FAR2: variants seen among roughly 807,000 people sequenced by gnomAD.
The protein encoded by FAR2 is fatty acyl-CoA reductase 2.
A neutral mutation model predicts 56.0 loss-of-function variants in FAR2; 19 were observed. That is an observed-to-expected ratio of 0.34 (90% CI 0.24 to 0.50). FAR2 has a LOEUF of 0.50. FAR2 is among the 20% of genes least tolerant of loss of function. The pLI, the probability that FAR2 is intolerant of heterozygous loss-of-function variation, is 0.98. For missense variants in FAR2, 508 were observed against 642.2 expected (o/e 0.79, Z 2.26); for synonymous variants, 219 against 218.8 (o/e 1.00, Z -0.01).
chr12:29,193,875 G>A (rs1950122476), intron 1 of FAR2, among the ~76,000 whole-genome samples: 1 of 152,210 alleles, frequency 6.6e-6, no homozygotes, highest in South Asian at 2.1e-4. Context: ...ATTAATGAAT[G>A]AGAGTTCCTA....
intron 1 of FAR2, among the ~76,000 whole-genome samples, chr12:29,247,192 CT>C (rs1261581822): frequency 6.6e-6 from 1 of 152,080 alleles, no homozygotes; most frequent in Non-Finnish European, 1.5e-5. Context: ...TTCATATTAA[CT>C]TTTTTAGGAA....
chr12:29,176,799 A>C (rs1005923310), intron 1 of FAR2, among the ~76,000 whole-genome samples: 3 of 151,516 alleles, frequency 2.0e-5, no homozygotes, highest in Non-Finnish European at 4.4e-5. Context: ...CTCTGTGTTC[A>C]TATGGGCAAT....
At chr12:29,227,168 G>T (rs1947782618) in intron 1 of FAR2, among the ~76,000 whole-genome samples, 1 of 152,146 alleles carries the variant, frequency 6.6e-6, no homozygotes, top group Non-Finnish European at 1.5e-5. Flanking sequence ...GCCTATAATT[G>T]TTATATTTAT....
intron 1 of FAR2, among the ~76,000 whole-genome samples, chr12:29,241,348 G>A (rs905358806): frequency 6.6e-6 from 1 of 152,016 alleles, no homozygotes; most frequent in Non-Finnish European, 1.5e-5. Flanking sequence ...AATCTGGAAA[G>A]ACTTTCTCAA....
At chr12:29,184,506 C>G (rs1950021193) in intron 1 of FAR2, among the ~76,000 whole-genome samples, 1 of 139,378 alleles carries the variant, frequency 7.2e-6, no homozygotes, top group African/African-American at 2.7e-5. Context: ...GCGATCTCAG[C>G]TCACTGCAAC....
chr12:29,261,472 G>A (rs1383949595), intron 1 of FAR2, among the ~76,000 whole-genome samples: 1 of 152,180 alleles, frequency 6.6e-6, no homozygotes, highest in Non-Finnish European at 1.5e-5. Context: ...GCCTTAAAGA[G>A]GAGGTAGAGA....
chr12:29,324,581 T>TG, intron 10 of FAR2, among the ~76,000 whole-genome samples: 2 of 151,968 alleles, frequency 1.3e-5, no homozygotes, highest in Middle Eastern at 3.4e-3. Flanking sequence ...CAGAAGAGAG[T>TG]GGGGGCCGAC....
intron 1 of FAR2, among the ~76,000 whole-genome samples, chr12:29,232,369 C>A (rs916376000): frequency 2.6e-5 from 4 of 152,122 alleles, no homozygotes; most frequent in Non-Finnish European, 5.9e-5. Context: ...GTCCTTCCCC[C>A]ACTCGCATCT....
At chr12:29,170,716 T>C (rs1260819744) in intron 1 of FAR2, among the ~76,000 whole-genome samples, 1 of 150,634 alleles carries the variant, frequency 6.6e-6, no homozygotes, top group Non-Finnish European at 1.5e-5. Flanking sequence ...TCTCTTTCTC[T>C]GTCTCTCTGA....
chr12:29,213,445 T>C (rs1240195950), intron 1 of FAR2, among the ~76,000 whole-genome samples: 1 of 152,104 alleles, frequency 6.6e-6, no homozygotes, highest in African/African-American at 2.4e-5. Context: ...ATTCCAGCAC[T>C]TTGGGAGGCC....
chr12:29,149,964 A>T (rs1949668901), intron 1 of FAR2, among the ~76,000 whole-genome samples: 1 of 152,136 alleles, frequency 6.6e-6, no homozygotes, highest in Non-Finnish European at 1.5e-5. Flanking sequence ...CAGGCTGCGC[A>T]CGTCCCTACC....
intron 2 of FAR2, among the ~76,000 whole-genome samples, chr12:29,275,483 T>G (rs553841209): frequency 1.3e-5 from 2 of 152,118 alleles, no homozygotes; most frequent in South Asian, 4.2e-4. Context: ...TACCCAGTAA[T>G]GGGATGGCTG....
At chr12:29,275,084 A>C (rs1440155706) in intron 2 of FAR2, among the ~76,000 whole-genome samples, 1 of 150,082 alleles carries the variant, frequency 6.7e-6, no homozygotes, top group Non-Finnish European at 1.5e-5. Context: ...CGTCCATGTG[A>C]AGAGACCACC....
chr12:29,241,462 A>G (rs1384283514), intron 1 of FAR2, among the ~76,000 whole-genome samples: 1 of 152,080 alleles, frequency 6.6e-6, no homozygotes, highest in African/African-American at 2.4e-5. Flanking sequence ...GTGTGTATAT[A>G]CTACTCAGTA....
intron 1 of FAR2, chr12:29,151,381 C>G (rs1949680182): frequency 6.6e-6 from 1 of 152,164 alleles, no homozygotes; most frequent in South Asian, 2.1e-4. Flanking sequence ...CACAAAATTC[C>G]ACCTACAATT....
Position 29,333,932 on chromosome 12 carries a change from C to T in FAR2, c.*138C>T. 1.4e-6 allele frequency: 1 copy of T among 695,126 alleles called. No individual in the cohort carries two copies. The highest frequency in any genetic ancestry group is 2.3e-6 in the Non-Finnish European group (1 of 442,916). The allele number at this position is 695,126 out of a possible 1,614,324, so 43.1% of individuals were successfully genotyped here. A position where few individuals can be genotyped will look rare whatever the true frequency, so the allele number is the denominator to read the frequency against. On this transcript the variant is annotated 3_prime_UTR_variant, in exon 12 of 12. Transcript: ENST00000536681. ...ACCTGTTATGTATTCGTCCCTATTC[C>T]TTAACTATGTATTTTTATTTCAGTG...
At chr12:29,149,993 C>T (rs1164361879) in intron 1 of FAR2, among the ~76,000 whole-genome samples, 1 of 152,176 alleles carries the variant, frequency 6.6e-6, no homozygotes, top group South Asian at 2.1e-4. Flanking sequence ...TGGGCCTCGC[C>T]GGGGTCGTGG....
intron 1 of FAR2, among the ~76,000 whole-genome samples, chr12:29,227,804 C>T (rs1947792921): frequency 6.6e-6 from 1 of 151,638 alleles, no homozygotes; most frequent in Admixed American, 6.6e-5. Flanking sequence ...TAAAGCCTTC[C>T]TTGTTTTAGA....
chr12:29,191,033 T>C (rs1950099036), intron 1 of FAR2, among the ~76,000 whole-genome samples: 1 of 152,190 alleles, frequency 6.6e-6, no homozygotes, highest in South Asian at 2.1e-4. Context: ...TTTCCCTCCC[T>C]GGGTCTGTGA....
Sources: gnomAD v4.1 joint callset for allele counts (sites outside exome capture counted in the v4.1 genomes callset) on GRCh38, gnomAD v4.1.1 for gene constraint, MANE v1.5 for transcripts, NCBI Gene and HGNC (gene_info 2026-07-23, HGNC 2026-07-21) for gene names.